RNF138: variants seen among roughly 807,000 people sequenced by gnomAD.
RNF138 encodes ring finger protein 138, also known as E3 ubiquitin-protein ligase RNF138.
RNF138 carries 12 observed loss-of-function variants against 31.0 expected under a neutral mutation model. The observed-to-expected ratio is 0.39, with a 90% confidence interval of 0.25 to 0.63. The LOEUF is 0.63. Among genes scored for constraint, RNF138 ranks in the 20% least tolerant of loss-of-function variants. The probability of loss-of-function intolerance (pLI) is 0.52; values close to 1 mark genes in which losing one functional copy is unlikely to be tolerated. For missense variants in RNF138, 192 were observed against 300.1 expected, an observed-to-expected ratio of 0.64 and a Z score of 2.66; for synonymous variants, 105 against 99.5, an observed-to-expected ratio of 1.06 and a Z score of -0.33.
intron 2 of RNF138, among the ~76,000 whole-genome samples, chr18:32,107,278 G>A (rs556267227): frequency 6.4e-4 from 97 of 150,898 alleles, no homozygotes; most frequent in Non-Finnish European, 1.3e-3. Context: ...ACGCTGCCAC[G>A]CCCAGCTAAT....
rs150398450 is a variant in RNF138, at chr18:32,094,952, T to C, written c.110+2066T>C. On this transcript the variant is annotated intron_variant, in intron 2 of 7. Coordinates refer to ENST00000261593, the MANE Select transcript of RNF138 (RefSeq NM_016271.5). ...TTTTAAATCAAGGTTTATAATTTGA[T>C]TTGACCTCAAGACTGTGGAAAATGT... Among the ~76,000 whole-genome samples, 428 of 152,304 alleles carry C rather than the reference T, an allele frequency of 2.8e-3. 2 individuals are homozygous for C. The highest frequency in any genetic ancestry group is 9.8e-3 in the African/African-American group (409 of 41,566).
intron 7 of RNF138, among the ~76,000 whole-genome samples, chr18:32,128,079 CAAAA>C (rs1468109908): frequency 1.3e-5 from 1 of 75,408 alleles, no homozygotes; most frequent in Non-Finnish European, 2.7e-5. Context: ...GACTCCGTCT[CAAAA>C]AAGAAAAGTA....
chr18:32,129,011 A>G, intron 7 of RNF138, 108 bp from the exon 8 acceptor site: 1 of 720,582 alleles, frequency 1.4e-6, no homozygotes, highest in Non-Finnish European at 2.5e-6. Context: ...GAGTGTGTGT[A>G]ATGTGTGTCA....
At chr18:32,109,996 T>C (rs1315753036) in intron 2 of RNF138, among the ~76,000 whole-genome samples, 3 of 152,212 alleles carry the variant, frequency 2.0e-5, no homozygotes, top group East Asian at 1.9e-4. Flanking sequence ...TTAATTGTTA[T>C]TGTTTTTTGA....
chr18:32,118,816 C>T (rs1214732075), intron 4 of RNF138, among the ~76,000 whole-genome samples: 2 of 151,936 alleles, frequency 1.3e-5, no homozygotes, highest in African/African-American at 2.4e-5. Context: ...GGCGACAGAG[C>T]GAGACTCCGT....
intron 4 of RNF138, 120 bp from the exon 5 acceptor site, chr18:32,123,398 G>GAAGTTCAGACTTTTAAAAC: frequency 6.8e-6 from 4 of 591,318 alleles, no homozygotes; most frequent in Non-Finnish European, 1.1e-5. Context: ...AAGGTGTATT[G>GAAGTTCAGACTTTTAAAAC]AAGTTCAGAC....
Position 32,123,512 on chromosome 18 carries a change from C to A in RNF138, c.393-6C>A. The A allele has an allele frequency of 6.4e-7, 1 of 1,569,036 alleles. No homozygotes were observed. Among genetic ancestry groups the A allele is most frequent in the Non-Finnish European group, 8.6e-7 (1 of 1,158,156 alleles). ...GGTATTAACTTTTTCCCCTGTGCTT[C>A]TTAAGCAATAGGAGTGAAACATCCA... On this transcript the variant is annotated splice_region_variant and splice_polypyrimidine_tract_variant and intron_variant, in intron 4 of 7. Transcript: ENST00000261593.
chr18:32,092,395 A>AGGGCG (rs2039707199), intron 1 of RNF138, among the ~76,000 whole-genome samples, 160 bp downstream of exon 1: 1 of 147,482 alleles, frequency 6.8e-6, no homozygotes, highest in Non-Finnish European at 1.5e-5. Flanking sequence ...ACGGGGGCTG[A>AGGGCG]GGGCGGGGCG....
At chr18:32,126,897 A>G (rs2040393061) in intron 7 of RNF138, 97 bp downstream of exon 7, 1 of 689,806 alleles carries the variant, frequency 1.4e-6, no homozygotes, top group Non-Finnish European at 2.6e-6. Context: ...AAGCTGTTGT[A>G]TCTTACTGGA....
intron 2 of RNF138, among the ~76,000 whole-genome samples, chr18:32,095,360 CAG>C (rs1056435868): frequency 6.6e-6 from 1 of 152,042 alleles, no homozygotes; most frequent in African/African-American, 2.4e-5. Flanking sequence ...TTTATAGAGA[CAG>C]GGCCTCACTA....
At chr18:32,111,958 G>A (rs756058198) in intron 3 of RNF138, 39 bp downstream of exon 3, 1 of 1,455,204 alleles carries the variant, frequency 6.9e-7, no homozygotes, top group South Asian at 1.4e-5. Context: ...TGGAAGCCAA[G>A]TTTCTACTCT....
At chr18:32,096,526 A>T (rs1200464671) in intron 2 of RNF138, among the ~76,000 whole-genome samples, 1 of 152,144 alleles carries the variant, frequency 6.6e-6, no homozygotes, top group Non-Finnish European at 1.5e-5. Flanking sequence ...ATTGAAGAGC[A>T]CCTAGATAGA....
At chr18:32,115,765 A>ACACG (rs779815082) in intron 4 of RNF138, among the ~76,000 whole-genome samples, 19 of 152,094 alleles carry the variant, frequency 1.2e-4, no homozygotes, top group Admixed American at 3.9e-4. Flanking sequence ...ACACGCACAC[A>ACACG]CACGCACGCA....
At chr18:32,110,429 C>A (rs1598854439) in intron 2 of RNF138, among the ~76,000 whole-genome samples, 1 of 152,306 alleles carries the variant, frequency 6.6e-6, no homozygotes, top group African/African-American at 2.4e-5. Context: ...CTATTTTAAT[C>A]CTCTGAACAG....
intron 2 of RNF138, among the ~76,000 whole-genome samples, chr18:32,097,938 GTA>G (rs202005922): frequency 0.4 from 54,077 of 135,456 alleles, 11,537 homozygotes; most frequent in Admixed American, 0.57. Context: ...ATATGTGTAT[GTA>G]TATATGTGTG....
At chr18:32,098,909 C>G (rs1424323850) in intron 2 of RNF138, among the ~76,000 whole-genome samples, 2 of 142,030 alleles carry the variant, frequency 1.4e-5, no homozygotes, top group African/African-American at 2.8e-5. Context: ...AGTTTACAAC[C>G]TTTGATTTTT....
chr18:32,098,317 T>C (rs965964628), intron 2 of RNF138, among the ~76,000 whole-genome samples: 1 of 151,946 alleles, frequency 6.6e-6, no homozygotes, highest in Non-Finnish European at 1.5e-5. Context: ...ATATTTCTTA[T>C]AGTTTAAATT....
At chr18:32,122,058 G>A (rs1430189619) in intron 4 of RNF138, among the ~76,000 whole-genome samples, 3 of 151,956 alleles carry the variant, frequency 2.0e-5, no homozygotes, top group Non-Finnish European at 2.9e-5. Flanking sequence ...TAGTAGAGAC[G>A]GGGTTTCACC....
At chr18:32,122,357 T>C (rs1027842813) in intron 4 of RNF138, 2 of 152,216 alleles carry the variant, frequency 1.3e-5, no homozygotes, top group African/African-American at 4.8e-5. Context: ...GTAGATGATA[T>C]AGTACTCCTT....
Sources: gnomAD v4.1 joint callset for allele counts (sites outside exome capture counted in the v4.1 genomes callset) on GRCh38, gnomAD v4.1.1 for gene constraint, MANE v1.5 for transcripts, NCBI Gene and HGNC (gene_info 2026-07-23, HGNC 2026-07-21) for gene names.